Variants in PRX observed in about 807,000 individuals in gnomAD.
PRX encodes periaxin.
Under a neutral mutation model 29.6 loss-of-function variants are expected in PRX, and 24 were observed. The observed-to-expected ratio is 0.81, with a 90% confidence interval of 0.59 to 1.14. PRX has a LOEUF of 1.14. Among genes scored for constraint, PRX ranks in the 50% most tolerant of loss-of-function variants. The probability of loss-of-function intolerance (pLI) is 0.00; values close to 1 mark genes in which losing one functional copy is unlikely to be tolerated. For synonymous variants in PRX, 772 were observed against 831.7 expected (o/e 0.93, Z 1.24); for missense variants, 1,838 against 1,926.4 (o/e 0.95, Z 0.86).
At chr19:40,410,055 T>C (rs1480198871) in intron 1 of PRX, among the ~76,000 whole-genome samples, 2 of 152,110 alleles carry the variant, frequency 1.3e-5, no homozygotes, top group Admixed American at 6.5e-5. Flanking sequence ...TGCTAAGACC[T>C]TCACCTTCTA....
At chr19:40,405,020 A>G (rs1599664019) in intron 4 of PRX, among the ~76,000 whole-genome samples, 1 of 152,090 alleles carries the variant, frequency 6.6e-6, no homozygotes, top group African/African-American at 2.4e-5. Context: ...AGGGAGTGGG[A>G]TTTGCCTCCC....
At position 40,394,500 on chromosome 19, in the gene PRX, G is replaced by T. The variant is rs567324732; in HGVS notation, c.3852C>A (p.Ser1284=). 1 of 1,599,744 alleles carries T rather than the reference G, an allele frequency of 6.3e-7. No individual in the cohort carries two copies. The change falls in exon 7 of 7, where the codon TCC becomes TCA. Residue 1284 remains serine (S), a synonymous_variant. Coordinates refer to ENST00000324001, the MANE Select transcript of PRX (RefSeq NM_181882.3). This position sits in a 1 kb window ranked among gnomAD's most constrained non-coding sequence, Gnocchi z 5.8. ...LSLPDVELSP[S]GGNHAEYQVA... Reference sequence around the variant, plus strand: ...CCTGGTACTCGGCATGGTTGCCCCCGGATGGCGAGAGCTCCACGTCGGGCA... The same window carrying T: ...CCTGGTACTCGGCATGGTTGCCCCCTGATGGCGAGAGCTCCACGTCGGGCA...
chr19:40,395,379 C>A lies in PRX; in HGVS notation c.2973G>T (p.Leu991=), dbSNP rs1043055387. 4 of 1,613,720 alleles carry A rather than the reference C, an allele frequency of 2.5e-6. No homozygotes were observed. In the African/African-American group the frequency reaches 4.0e-5, roughly 16 times the overall value. ...CATCCAGGCTGAGCTGTGGGATGGA[C>A]AGATCGAGGGCAGGCAGCAGGCCTG... The part of the protein sequence containing the change: ...GEAGLLPALD[L]SIPQLSLDAH... The change falls in exon 7 of 7, where the codon CTG becomes CTT. Residue 991 remains leucine, a synonymous_variant. Coordinates refer to ENST00000324001, the MANE Select transcript of PRX (RefSeq NM_181882.3).
In PRX at chr19:40,407,945, A is replaced by C. The variant is rs1283051109; in HGVS notation, c.-13T>G. ...TCCTGGCCTCCATGGCGTTGCTGGG[A>C]GGCACCTGCACCCCAGGCTCCTGTG... is the stretch of plus-strand genomic sequence containing the variant. On this transcript the variant is annotated 5_prime_UTR_variant, in exon 4 of 7. Coordinates refer to ENST00000324001, the MANE Select transcript of PRX (RefSeq NM_181882.3). 4 of 1,613,550 alleles carry C rather than the reference A, an allele frequency of 2.5e-6. No individual in the cohort carries two copies. In the African/African-American group the frequency reaches 5.3e-5, roughly 22 times the overall value.
rs762654367 is a variant in PRX at position 40,403,802 on chromosome 19, T to C, written c.88A>G (p.Ser30Gly). ...IVETEAQTGV[S>G]GINVAGGGKE... ...CCGCCGCCCGCTACGTTGATGCCGCTGACCCCGGTCTGCGCCTCCGTCTCC... is the reference window on the plus strand; with the variant it reads ...CCGCCGCCCGCTACGTTGATGCCGCCGACCCCGGTCTGCGCCTCCGTCTCC... Residue 30 changes from serine to glycine, a missense_variant, in exon 5 of 7, where the codon AGC becomes GGC. This residue lies in a region of PRX where 666 missense variants were observed against 665.0 expected (regional missense o/e 1.00). Transcript: ENST00000324001. 5.0e-6 allele frequency: 8 copies of C among 1,608,810 alleles called. No individual in the cohort carries two copies. Among genetic ancestry groups the C allele is most frequent in the Non-Finnish European group, 6.8e-6 (8 of 1,178,618 alleles).
In PRX at chr19:40,396,060, G is replaced by A. The variant is rs142637195; in HGVS notation, c.2292C>T (p.Pro764=). 1.1e-5 allele frequency: 17 copies of A among 1,614,006 alleles called. No individual in the cohort carries two copies. The East Asian group carries it at 1.1e-4, about 11-fold the overall frequency. ...CTGGTGCCTTCGGAAGATGCACGTC[G>A]GGAACCTTCGGCACTTGCATTTCCG... is the stretch of plus-strand genomic sequence containing the variant. The part of the protein sequence containing the change: ...RLPEMQVPKV[P]DVHLPKAPEV... The change falls in exon 7 of 7, where the codon CCC becomes CCT. Residue 764 remains proline, a synonymous_variant. Transcript: ENST00000324001.
At chr19:40,406,169 C>T (rs2079529061) in intron 4 of PRX, among the ~76,000 whole-genome samples, 1 of 151,264 alleles carries the variant, frequency 6.6e-6, no homozygotes, top group South Asian at 2.1e-4. Flanking sequence ...ATTGCTTGAA[C>T]CTGGGAGGCG....
At chr19:40,409,925 C>T (rs1351624981) in intron 1 of PRX, among the ~76,000 whole-genome samples, 1 of 152,176 alleles carries the variant, frequency 6.6e-6, no homozygotes, top group Non-Finnish European at 1.5e-5. Flanking sequence ...GAAGGGATGT[C>T]ACTAGCCCAG....
At position 40,409,451 on chromosome 19, in the gene PRX, CTATTAT is replaced by C. The variant is rs141778541; in HGVS notation, c.-242-1074_-242-1069del. Among the ~76,000 whole-genome samples the C allele has an allele frequency of 2.7e-3, 383 of 142,352 alleles. 1 individual carries two copies. The highest frequency in any genetic ancestry group is 0.022 in the East Asian group (109 of 4,948). 93.4% of individuals were successfully genotyped at this position (142,352 alleles called of 152,430 possible). On this transcript the variant is annotated intron_variant, in intron 1 of 6. Transcript: ENST00000324001. ...CTGGCAGGTGCTTTATAAATACTTG[CTATTAT>C]TATTATTATTATTATTATTATTATT...
At position 40,394,228 on chromosome 19, in the gene PRX, CG is replaced by C; in HGVS notation, c.4123del (p.Arg1375GlyfsTer7). On this transcript the variant is annotated frameshift_variant, in exon 7 of 7. Transcript: ENST00000324001. LOFTEE classifies it high-confidence loss of function. This position sits in a 1 kb window ranked among gnomAD's most constrained non-coding sequence, Gnocchi z 5.8. Reference protein sequence around the residue: ...EGASGRRGRVRVRLPRVGLAA... With the variant: ...EGASGRRGRVXVRLPRVGLAA... Reference sequence around the variant, plus strand: ...CAGGCCTACACGTGGCAAGCGGACCCGGACCCGGCCCCGGCGACCCGAGGCC... The same window carrying C: ...CAGGCCTACACGTGGCAAGCGGACCCGACCCGGCCCCGGCGACCCGAGGCC... 1.9e-6 allele frequency: 3 copies of C among 1,603,334 alleles called. No homozygotes were observed. Among genetic ancestry groups the C allele is most frequent in the Non-Finnish European group, 2.6e-6 (3 of 1,172,444 alleles).
intron 5 of PRX, 133 bp downstream of exon 5, chr19:40,403,573 A>C (rs2079510551): frequency 2.6e-6 from 3 of 1,145,378 alleles, no homozygotes; most frequent in Middle Eastern, 3.0e-4. Context: ...GCCCCGCCCC[A>C]AGCCCTTAAC....
rs542711361 is a variant in PRX at position 40,394,553 on chromosome 19, C to T, written c.3799G>A (p.Gly1267Arg). 1.1e-4 allele frequency: 170 copies of T among 1,607,436 alleles called. No individual in the cohort carries two copies. Among genetic ancestry groups the T allele is most frequent in the Non-Finnish European group, 1.4e-4 (166 of 1,177,878 alleles). Residue 1267 changes from glycine to arginine, a missense_variant, in exon 7 of 7, where the codon GGG becomes AGG. Physicochemically the swap from Gly to Arg is moderately radical, Grantham distance 125 (BLOSUM62 -2). Coordinates refer to ENST00000324001, the MANE Select transcript of PRX (RefSeq NM_181882.3). The surrounding 1 kb of genome is among the most constrained non-coding windows in gnomAD (Gnocchi z 5.8). ...GGEGAEEQPPGAERTFCLSLP... is the reference protein window; with the variant it reads ...GGEGAEEQPPRAERTFCLSLP... ...GAGAGGCAGAAGGTACGCTCGGCCC[C>T]TGGGGGCTGCTCCTCAGCACCCTCG...
At chr19:40,412,432 A>T (rs1342676009) in intron 1 of PRX, among the ~76,000 whole-genome samples, 2 of 152,152 alleles carry the variant, frequency 1.3e-5, no homozygotes, top group Non-Finnish European at 2.9e-5. Context: ...GTGAGAGAAC[A>T]GCAGGTGCTT....
chr19:40,411,684 G>C (rs1012643357), intron 1 of PRX, among the ~76,000 whole-genome samples: 4 of 152,166 alleles, frequency 2.6e-5, no homozygotes. Context: ...GGTAAGGTGG[G>C]GGCAGCTTCG....
At chr19:40,411,196 G>T (rs753668838) in intron 1 of PRX, among the ~76,000 whole-genome samples, 7 of 152,190 alleles carry the variant, frequency 4.6e-5, no homozygotes, top group Non-Finnish European at 7.3e-5. Flanking sequence ...TGCGCACTGG[G>T]GCAGGAGCTG....
chr19:40,396,204 T>G lies in PRX; in HGVS notation c.2148A>C (p.Glu716Asp). Residue 716 changes from glutamate to aspartate, a missense_variant, in exon 7 of 7, where the codon GAA becomes GAC. Coordinates refer to ENST00000324001, the MANE Select transcript of PRX (RefSeq NM_181882.3). ...GGAGCTTCATGTCAGGGACTTTCAT[T>G]TCACAGACTTTGGGCAGCTGCACCT... ...LPEVQLPKVC[E>D]MKVPDMKLPE... is the part of the protein sequence containing the mutation. 1 of 1,583,016 alleles carries G rather than the reference T, an allele frequency of 6.3e-7. No homozygotes were observed. The highest frequency in any genetic ancestry group is 2.3e-5 in the East Asian group (1 of 43,460).
intron 4 of PRX, among the ~76,000 whole-genome samples, 153 bp from the exon 5 acceptor site, chr19:40,404,015 G>A (rs1180515360): frequency 6.6e-6 from 1 of 152,178 alleles, no homozygotes; most frequent in African/African-American, 2.4e-5. Context: ...TGCCCAGGCT[G>A]GTCTCGAACT....
Position 40,394,046 on chromosome 19 carries a change from G to A in PRX, c.4306C>T (p.Arg1436Trp), listed in dbSNP as rs1332674327. 3.7e-6 allele frequency: 6 copies of A among 1,612,518 alleles called. No individual in the cohort carries two copies. The highest frequency in any genetic ancestry group is 1.7e-5 in the Admixed American group (1 of 59,920). Residue 1436 changes from arginine to tryptophan, a missense_variant, in exon 7 of 7, where the codon CGG becomes TGG. Physicochemically the swap from Arg to Trp is moderately radical, Grantham distance 101 (BLOSUM62 -3). This residue lies in a region of PRX where 1,143 missense variants were observed against 1,193.0 expected (regional missense o/e 0.96). Transcript: ENST00000324001. The surrounding 1 kb of genome is among the most constrained non-coding windows in gnomAD (Gnocchi z 5.8). ...TCTGAAAACCCCACGCTGGGCAGCC[G>A]CACCCGCAATCCACCCTCTTCCTGG... ...GDQEEGGLRV[R>W]LPSVGFSETG...
At position 40,397,852 on chromosome 19, in the gene PRX, C is replaced by A; in HGVS notation, c.500G>T (p.Arg167Leu). The A allele has an allele frequency of 6.2e-7, 1 of 1,603,666 alleles. No individual in the cohort carries two copies. The highest frequency in any genetic ancestry group is 8.5e-7 in the Non-Finnish European group (1 of 1,175,656). The part of the protein sequence containing the change: ...EFSFPKFSRL[R>L]RGLKAEAVKG... The stretch of plus-strand genomic sequence containing the variant: ...GACAGCCTCGGCTTTGAGGCCCCGA[C>A]GCAGGCGGGAGAACTTGGGAAAGGA... Residue 167 changes from arginine (R) to leucine (L), a missense_variant, in exon 7 of 7, where the codon CGT becomes CTT. Physicochemically the swap from Arg to Leu is moderately radical, Grantham distance 102. Around this residue, in one of 3 missense-constraint regions of PRX, gnomAD observed 666 missense variants for 665.0 expected, o/e 1.00. Coordinates refer to ENST00000324001, the MANE Select transcript of PRX (RefSeq NM_181882.3).
Sources: gnomAD v4.1 joint callset for allele counts (sites outside exome capture counted in the v4.1 genomes callset) on GRCh38, gnomAD v4.1.1 for gene constraint, gnomAD v4.1.1 regional missense constraint, Gnocchi (gnomAD v3.1) non-coding constraint, MANE v1.5 for transcripts, NCBI Gene and HGNC (gene_info 2026-07-23, HGNC 2026-07-21) for gene names.